The following ADK variants were observed in gnomAD, a reference collection of about 807,000 sequenced individuals.
ADK encodes N6,N6-dimethyladenosine kinase.
Under a neutral mutation model 44.7 loss-of-function variants are expected in ADK, and 24 were observed. The observed-to-expected ratio is 0.54, with a 90% CI of 0.39 to 0.76. The LOEUF (loss-of-function observed/expected upper bound fraction) is 0.76. ADK is among the 30% of genes least tolerant of loss of function. The pLI, the probability that ADK is intolerant of heterozygous loss-of-function variation, is 0.00. For missense variants in ADK, 321 were observed against 425.1 expected (o/e 0.76, Z 2.15); for synonymous variants, 128 against 142.6 (o/e 0.90, Z 0.73).
chr10:74,605,260 G>A (rs937707418), intron 9 of ADK, among the ~76,000 whole-genome samples: 3 of 152,082 alleles, frequency 2.0e-5, no homozygotes, highest in Non-Finnish European at 2.9e-5. Flanking sequence ...GATTGCCCTG[G>A]TCAGAACTTC....
rs141205064 is a variant in ADK, at chr10:74,232,400, C to T, written c.194+7809C>T. 8.5e-3 allele frequency among the ~76,000 whole-genome samples: 1,286 copies of T among 151,730 alleles called. 22 individuals are homozygous for T. Among genetic ancestry groups the T allele is most frequent in the African/African-American group, 0.029 (1,221 of 41,402 alleles). The stretch of plus-strand genomic sequence containing the variant: ...AGCTGGGCATGGTGGCACTCACCTG[C>T]AGTCCCAGCTACTCAGGAGGCTGAG... On this transcript the variant is annotated intron_variant, in intron 3 of 10. Transcript: ENST00000539909.
chr10:74,580,230 A>T (rs1054934830), intron 7 of ADK, among the ~76,000 whole-genome samples: 2 of 152,154 alleles, frequency 1.3e-5, no homozygotes, highest in African/African-American at 4.8e-5. Flanking sequence ...AGTCTTTCCC[A>T]TCCTATTCTC....
chr10:74,307,735 T>C (rs1445781641), intron 3 of ADK, among the ~76,000 whole-genome samples: 1 of 152,232 alleles, frequency 6.6e-6, no homozygotes, highest in Non-Finnish European at 1.5e-5. Flanking sequence ...CATATGTTTC[T>C]GGAATATTTC....
At chr10:74,195,028 T>C (rs1243219350) in intron 1 of ADK, among the ~76,000 whole-genome samples, 1 of 152,116 alleles carries the variant, frequency 6.6e-6, no homozygotes, top group Admixed American at 6.5e-5. Context: ...ATAGTGTAGG[T>C]TTATGTTGGC....
chr10:74,708,448 G>C lies in ADK; in HGVS notation c.*3G>C. 2 of 1,610,272 alleles carry C rather than the reference G, an allele frequency of 1.2e-6. No homozygotes were observed. The highest frequency in any genetic ancestry group is 1.7e-6 in the Non-Finnish European group (2 of 1,178,934). On this transcript the variant is annotated 3_prime_UTR_variant, in exon 11 of 11. Coordinates refer to ENST00000539909, the MANE Select transcript of ADK (RefSeq NM_006721.4). The stretch of plus-strand genomic sequence containing the variant: ...CTGAGAAGCCAGACTTCCACTGATG[G>C]AAGAGCTGAAAACACAAGCCCAGGA...
At chr10:74,473,481 T>C (rs1846687756) in intron 6 of ADK, among the ~76,000 whole-genome samples, 1 of 152,246 alleles carries the variant, frequency 6.6e-6, no homozygotes, top group Non-Finnish European at 1.5e-5. Flanking sequence ...TGGAGGATAC[T>C]ACTTGACATT....
chr10:74,500,737 G>A (rs1847860946), intron 6 of ADK, among the ~76,000 whole-genome samples: 1 of 152,144 alleles, frequency 6.6e-6, no homozygotes. Flanking sequence ...TGAGAAACTG[G>A]TTTGAAATGT....
chr10:74,707,037 A>C (rs1856625575), intron 10 of ADK, among the ~76,000 whole-genome samples: 1 of 152,068 alleles, frequency 6.6e-6, no homozygotes, highest in African/African-American at 2.4e-5. Context: ...TTAACTTTTT[A>C]ATCAATTTTT....
At chr10:74,618,547 C>G (rs1200945583) in intron 9 of ADK, among the ~76,000 whole-genome samples, 2 of 152,164 alleles carry the variant, frequency 1.3e-5, no homozygotes, top group Non-Finnish European at 1.5e-5. Flanking sequence ...CCTCGGCCTC[C>G]CAAAGTGCTG....
intron 4 of ADK, among the ~76,000 whole-genome samples, chr10:74,342,496 A>G (rs1250255458): frequency 6.6e-6 from 1 of 152,164 alleles, no homozygotes; most frequent in East Asian, 1.9e-4. Flanking sequence ...TTTTTGAGAC[A>G]GGCTCATGCT....
intron 2 of ADK, among the ~76,000 whole-genome samples, chr10:74,215,257 C>T (rs1384749448): frequency 2.0e-5 from 3 of 152,132 alleles, no homozygotes; most frequent in South Asian, 2.1e-4. Flanking sequence ...AACAAAACAT[C>T]CAAAATATAG....
intron 3 of ADK, among the ~76,000 whole-genome samples, chr10:74,240,431 C>T (rs1845167829): frequency 6.9e-6 from 1 of 145,244 alleles, no homozygotes; most frequent in African/African-American, 2.5e-5. Flanking sequence ...AGTACATTCT[C>T]CCAGATGCTG....
chr10:74,465,150 G>C (rs1279224701), intron 6 of ADK, among the ~76,000 whole-genome samples: 1 of 152,096 alleles, frequency 6.6e-6, no homozygotes, highest in Non-Finnish European at 1.5e-5. Flanking sequence ...CTGATCATTA[G>C]GGAAAGTCTC....
chr10:74,320,184 C>G (rs1592042100), intron 4 of ADK, among the ~76,000 whole-genome samples: 1 of 152,120 alleles, frequency 6.6e-6, no homozygotes, highest in African/African-American at 2.4e-5. Flanking sequence ...TTGTGTTTAT[C>G]TGGGAATGTC....
At chr10:74,289,531 GT>G (rs1377019650) in intron 3 of ADK, among the ~76,000 whole-genome samples, 1 of 152,098 alleles carries the variant, frequency 6.6e-6, no homozygotes, top group Non-Finnish European at 1.5e-5. Flanking sequence ...AAAGTAGCAT[GT>G]TTCTTTCTGA....
chr10:74,391,947 C>T (rs1467199958), intron 4 of ADK, among the ~76,000 whole-genome samples: 1 of 152,134 alleles, frequency 6.6e-6, no homozygotes, highest in South Asian at 2.1e-4. Flanking sequence ...TGGAATCATA[C>T]AATATGTGTC....
At chr10:74,182,843 A>C (rs1166557853) in intron 1 of ADK, among the ~76,000 whole-genome samples, 3 of 152,230 alleles carry the variant, frequency 2.0e-5, no homozygotes, top group Non-Finnish European at 4.4e-5. Context: ...AGACTGTTTG[A>C]ATGTTAACCC....
chr10:74,394,202 T>G lies in ADK; in HGVS notation c.335T>G (p.Phe112Cys), dbSNP rs775598243. The G allele has an allele frequency of 1.9e-6, 3 of 1,613,842 alleles. No individual in the cohort carries two copies. The highest frequency in any genetic ancestry group is 4.5e-5 in the East Asian group (2 of 44,872). ...TTTGGATGCATTGGGATAGATAAAT[T>G]TGGGGAGATCCTGAAGAGAAAAGCT... ...TFFGCIGIDK[F>C]GEILKRKAAE... The change falls in exon 5 of 11, where the codon TTT becomes TGT. Residue 112 changes from phenylalanine to cysteine, a missense_variant. Transcript: ENST00000539909.
At chr10:74,552,981 C>T (rs1421384244) in intron 7 of ADK, among the ~76,000 whole-genome samples, 2 of 151,878 alleles carry the variant, frequency 1.3e-5, no homozygotes, top group Admixed American at 6.6e-5. Flanking sequence ...CTGGTGAGAC[C>T]ATGCAGTGGG....
Sources: gnomAD v4.1 joint callset for allele counts (sites outside exome capture counted in the v4.1 genomes callset) on GRCh38, gnomAD v4.1.1 for gene constraint, MANE v1.5 for transcripts, NCBI Gene and HGNC (gene_info 2026-07-23, HGNC 2026-07-21) for gene names.